TBCD: variants seen among roughly 807,000 people sequenced by gnomAD.
TBCD encodes tubulin-specific chaperone D.
Under a neutral mutation model 169.3 loss-of-function variants are expected in TBCD, and 105 were observed. The observed-to-expected ratio is 0.62, with a 90% CI of 0.53 to 0.73. TBCD has a LOEUF of 0.73. Among genes scored for constraint, TBCD ranks in the 30% least tolerant of loss-of-function variants. TBCD has a pLI of 0.00. For missense variants in TBCD, 1,444 were observed against 1,600.1 expected, an observed-to-expected ratio of 0.90 and a Z score of 1.66; for synonymous variants, 700 against 643.9, an observed-to-expected ratio of 1.09 and a Z score of -1.32.
At chr17:82,871,881 G>A (rs1035568214) in intron 14 of TBCD, among the ~76,000 whole-genome samples, 13 of 152,226 alleles carry the variant, frequency 8.5e-5, no homozygotes, top group Admixed American at 8.5e-4. Flanking sequence ...ACGCACCCGG[G>A]TGTAAGCGCC....
chr17:82,889,684 A>G lies in TBCD; in HGVS notation c.1550A>G (p.Asn517Ser). ...GCTCCGCAGGCCGCCTTCCAGGAGA[A>G]TGTGGGGAGACAGGTATGGCTGCTT... Reference protein sequence around the residue: ...RRAASAAFQENVGRQGTFPHG... With the variant: ...RRAASAAFQESVGRQGTFPHG... Residue 517 changes from asparagine to serine, a missense_variant, in exon 16 of 39, where the codon AAT becomes AGT. Physicochemically the swap from Asn to Ser is conservative, Grantham distance 46. Coordinates refer to ENST00000355528, the MANE Select transcript of TBCD (RefSeq NM_005993.5). This position sits in a 1 kb window ranked among gnomAD's most constrained non-coding sequence, Gnocchi z 5.3. 1.9e-6 allele frequency: 3 copies of G among 1,613,714 alleles called. No homozygotes were observed. The highest frequency in any genetic ancestry group is 2.5e-6 in the Non-Finnish European group (3 of 1,179,812).
At chr17:82,823,254 C>G (rs1315420059) in intron 13 of TBCD, among the ~76,000 whole-genome samples, 1 of 152,196 alleles carries the variant, frequency 6.6e-6, no homozygotes, top group Non-Finnish European at 1.5e-5. Context: ...CCCTGCTGCC[C>G]CCTGCAGGCC....
At chr17:82,801,911 G>A (rs1427881853) in intron 9 of TBCD, among the ~76,000 whole-genome samples, 8 of 150,072 alleles carry the variant, frequency 5.3e-5, no homozygotes, top group Admixed American at 4.0e-4. Flanking sequence ...GCAGGAGGGC[G>A]GCGTGTGTGT....
At chr17:82,809,599 C>T (rs949342249) in intron 11 of TBCD, 109 bp from the exon 12 acceptor site, 1 of 1,232,914 alleles carries the variant, frequency 8.1e-7, no homozygotes, top group Non-Finnish European at 1.1e-6. Flanking sequence ...CCTCTTCTCT[C>T]CTGGTCTCTG....
In TBCD at chr17:82,759,381, C is replaced by T. The variant is rs1481740593; in HGVS notation, c.235+3166C>T. ...CTGTAATCCCAGCTACTTGAGAGGCCGAGGCAGGAGAATTGCTTGAACTGG... is the reference window on the plus strand; with the variant it reads ...CTGTAATCCCAGCTACTTGAGAGGCTGAGGCAGGAGAATTGCTTGAACTGG... On this transcript the variant is annotated intron_variant, in intron 2 of 38. Transcript: ENST00000355528. Among the ~76,000 whole-genome samples, 5 of 151,904 alleles carry T rather than the reference C, an allele frequency of 3.3e-5. No homozygotes were observed. In the East Asian group the frequency reaches 7.7e-4, roughly 23 times the overall value.
chr17:82,851,611 A>T (rs1311971600), intron 13 of TBCD, among the ~76,000 whole-genome samples: 1 of 152,214 alleles, frequency 6.6e-6, no homozygotes, highest in Non-Finnish European at 1.5e-5. Flanking sequence ...CACTCTGCAC[A>T]GGGCGGGTGG....
chr17:82,804,294 C>T (rs891405952), intron 9 of TBCD, among the ~76,000 whole-genome samples: 2 of 152,152 alleles, frequency 1.3e-5, no homozygotes, highest in African/African-American at 2.4e-5. Flanking sequence ...TACAGTGTAC[C>T]CCGAAATTTA....
rs1161680948 is a variant in TBCD at position 82,920,349 on chromosome 17, G to A, written c.2039-207G>A. 2 of 602,034 alleles carry A rather than the reference G, an allele frequency of 3.3e-6. No homozygotes were observed. The highest frequency in any genetic ancestry group is 5.8e-6 in the Non-Finnish European group (2 of 343,100). The allele number at this position is 602,034 out of a possible 1,614,324, so 37.3% of individuals were successfully genotyped here. On this transcript the variant is annotated intron_variant, in intron 23 of 38. Transcript: ENST00000355528. The surrounding 1 kb of genome is among the most constrained non-coding windows in gnomAD (Gnocchi z 4.1). Reference sequence around the variant, plus strand: ...GCTGGGTCTGCAGCACTTTCTTCAGGCTGCTCAGCGGAGGAGGCGTCTTGG... The same window carrying A: ...GCTGGGTCTGCAGCACTTTCTTCAGACTGCTCAGCGGAGGAGGCGTCTTGG...
In TBCD at chr17:82,889,646, GTGTT is replaced by G; in HGVS notation, c.1534-17_1534-14del. ...CGGAAGCTGACCTCGCTCACCTGCTGTGTTTGTTCTTTGCTCCGCAGGCCGCCTT... is the reference window on the plus strand; with the variant it reads ...CGGAAGCTGACCTCGCTCACCTGCTGTGTTCTTTGCTCCGCAGGCCGCCTT... On this transcript the variant is annotated intron_variant, in intron 15 of 38. Coordinates refer to ENST00000355528, the MANE Select transcript of TBCD (RefSeq NM_005993.5). This position sits in a 1 kb window ranked among gnomAD's most constrained non-coding sequence, Gnocchi z 5.3. 6.2e-7 allele frequency: 1 copy of G among 1,613,968 alleles called. No individual in the cohort carries two copies. The highest frequency in any genetic ancestry group is 8.5e-7 in the Non-Finnish European group (1 of 1,179,870).
At chr17:82,879,592 C>T (rs942261703) in intron 14 of TBCD, among the ~76,000 whole-genome samples, 6 of 152,060 alleles carry the variant, frequency 3.9e-5, no homozygotes, top group African/African-American at 7.2e-5. Context: ...TGTGCTGGTC[C>T]GGGATGCAGA....
rs949710454 is a variant in TBCD, at chr17:82,780,860, C to G, written c.639-729C>G. 7.2e-5 allele frequency among the ~76,000 whole-genome samples: 11 copies of G among 151,894 alleles called. No homozygotes were observed. The South Asian group carries it at 2.3e-3, about 32-fold the overall frequency. On this transcript the variant is annotated intron_variant, in intron 6 of 38. Transcript: ENST00000355528. The stretch of plus-strand genomic sequence containing the variant: ...ACAGGGTTTCACTATGTTGGCCAGA[C>G]TGGTCTCGAACTCCTGACCTCGTGA...
chr17:82,850,727 C>T (rs1284282985), intron 13 of TBCD, among the ~76,000 whole-genome samples: 4 of 152,188 alleles, frequency 2.6e-5, no homozygotes, highest in African/African-American at 9.7e-5. Context: ...ATTTGGCCCC[C>T]ATGGCCTCAT....
chr17:82,868,427 G>A (rs993406327), intron 13 of TBCD, among the ~76,000 whole-genome samples: 1 of 152,176 alleles, frequency 6.6e-6, no homozygotes, highest in African/African-American at 2.4e-5. Context: ...GCCCTGCGTC[G>A]TGGCTGGGCT....
chr17:82,832,945 G>C lies in TBCD; in HGVS notation c.1318+18011G>C, dbSNP rs1448188233. 6.6e-6 allele frequency among the ~76,000 whole-genome samples: 1 copy of C among 152,176 alleles called. No homozygotes were observed. The highest frequency in any genetic ancestry group is 1.9e-4 in the East Asian group (1 of 5,192). ...GTTCTGAGAATGCCTGTAAGCCTTTGAGTTTTGGGAACTTTCATCCTGTGA... is the reference window on the plus strand; with the variant it reads ...GTTCTGAGAATGCCTGTAAGCCTTTCAGTTTTGGGAACTTTCATCCTGTGA... On this transcript the variant is annotated intron_variant, in intron 13 of 38. Coordinates refer to ENST00000355528, the MANE Select transcript of TBCD (RefSeq NM_005993.5). This position sits in a 1 kb window ranked among gnomAD's most constrained non-coding sequence, Gnocchi z 4.9.
At chr17:82,809,807 G>A (rs776001328) in intron 12 of TBCD, 25 bp downstream of exon 12, 20 of 1,608,236 alleles carry the variant, frequency 1.2e-5, no homozygotes, top group East Asian at 4.5e-5. Context: ...CAGGGGAGGC[G>A]TGTGGGCCTG....
intron 13 of TBCD, among the ~76,000 whole-genome samples, chr17:82,852,050 C>G (rs2055836449): frequency 6.6e-6 from 1 of 152,102 alleles, no homozygotes; most frequent in South Asian, 2.1e-4. Context: ...AGTTCAGTGG[C>G]TTGTAACGCA....
chr17:82,915,120 C>T lies in TBCD; in HGVS notation c.2038+3331C>T, dbSNP rs572014016. 5.0e-4 allele frequency among the ~76,000 whole-genome samples: 76 copies of T among 152,160 alleles called. No individual in the cohort carries two copies. The highest frequency in any genetic ancestry group is 1.7e-3 in the African/African-American group (71 of 41,514). On this transcript the variant is annotated intron_variant, in intron 23 of 38. Coordinates refer to ENST00000355528, the MANE Select transcript of TBCD (RefSeq NM_005993.5). The surrounding 1 kb of genome is among the most constrained non-coding windows in gnomAD (Gnocchi z 4.3). ...TCGGGGTGAGAAATCTGCGGGTTCA[C>T]GGGCTACATGTGGGAGACGGGGAGG... is the stretch of plus-strand genomic sequence containing the variant.
intron 13 of TBCD, among the ~76,000 whole-genome samples, chr17:82,868,248 T>C (rs2057317785): frequency 6.6e-6 from 1 of 152,128 alleles, no homozygotes; most frequent in African/African-American, 2.4e-5. Context: ...AGCTCTTCTG[T>C]GGGCACTGGG....
At chr17:82,931,694 T>C (rs2062226533) in intron 33 of TBCD, among the ~76,000 whole-genome samples, 1 of 152,230 alleles carries the variant, frequency 6.6e-6, no homozygotes, top group Non-Finnish European at 1.5e-5. Context: ...CCTCCCTCTC[T>C]GTGGGCTGCG....
Sources: allele counts gnomAD v4.1 joint callset (sites outside exome capture counted in the v4.1 genomes callset), GRCh38; gene constraint gnomAD v4.1.1; non-coding constraint Gnocchi (gnomAD v3.1); transcripts MANE v1.5; gene names NCBI Gene and HGNC (gene_info 2026-07-23, HGNC 2026-07-21).